The following AHCYL2 variants were observed in gnomAD, a reference collection of about 807,000 sequenced individuals.
AHCYL2 encodes the protein adenosylhomocysteinase like 2, also known as S-adenosylhomocysteine hydrolase-like protein 2.
AHCYL2 carries 28 observed loss-of-function variants against 81.4 expected under a neutral mutation model. The observed-to-expected ratio is 0.34, with a 90% CI of 0.25 to 0.47. The LOEUF (loss-of-function observed/expected upper bound fraction) is 0.47. AHCYL2 is among the 20% of genes least tolerant of loss of function. AHCYL2 has a pLI of 1.00. For missense variants in AHCYL2, 551 were observed against 785.1 expected (o/e 0.70, Z 3.56); for synonymous variants, 272 against 290.2 (o/e 0.94, Z 0.64).
At chr7:129,410,003 C>G in intron 11 of AHCYL2, 1 of 660,774 alleles carries the variant, frequency 1.5e-6, no homozygotes, top group East Asian at 2.7e-5. Flanking sequence ...TTTGTCTCTG[C>G]AGGAGGTACA....
At chr7:129,227,666 G>T (rs1218234582) in intron 1 of AHCYL2, among the ~76,000 whole-genome samples, 1 of 149,438 alleles carries the variant, frequency 6.7e-6, no homozygotes, top group African/African-American at 2.5e-5. Context: ...ACTGGAGTCT[G>T]TTTTTCTTAA....
intron 1 of AHCYL2, among the ~76,000 whole-genome samples, chr7:129,249,512 G>C (rs971699005): frequency 6.6e-6 from 1 of 151,670 alleles, no homozygotes; most frequent in Non-Finnish European, 1.5e-5. Context: ...TGCAAGCTCC[G>C]CTTCCCGGGT....
rs1228915009 is a variant in AHCYL2 at position 129,256,542 on chromosome 7, A to ACC, written c.363+31108_363+31109dup. 8.8e-3 allele frequency among the ~76,000 whole-genome samples: 511 copies of ACC among 58,390 alleles called. 4 individuals carry two copies. The highest frequency in any genetic ancestry group is 0.029 in the Middle Eastern group (3 of 104). 38.3% of individuals were successfully genotyped at this position (58,390 alleles called of 152,430 possible). ...TTTTACATCTTGCTTCCCGCCCCCC[A>ACC]CCCCCCACCCCCCCCCCGCCTTAAT... On this transcript the variant is annotated intron_variant, in intron 1 of 16. Transcript: ENST00000325006.
intron 1 of AHCYL2, among the ~76,000 whole-genome samples, chr7:129,372,908 TGGTTATAGCCATGATAGGATA>T (rs756623609): frequency 1.3e-4 from 20 of 152,180 alleles, no homozygotes; most frequent in Non-Finnish European, 2.1e-4. Context: ...CGTGCCTCCA[TGGTTATAGCCATGATAGGATA>T]GAATGGTTGG....
intron 1 of AHCYL2, among the ~76,000 whole-genome samples, chr7:129,362,126 C>G (rs1262351938): frequency 6.6e-6 from 1 of 152,064 alleles, no homozygotes; most frequent in Non-Finnish European, 1.5e-5. Context: ...GTTATTTAAT[C>G]TTTATAAAAC....
intron 6 of AHCYL2, among the ~76,000 whole-genome samples, chr7:129,400,926 G>T (rs1489350885): frequency 6.6e-6 from 1 of 152,116 alleles, no homozygotes; most frequent in African/African-American, 2.4e-5. Context: ...TAAAAAAGAC[G>T]AGATGAAGTT....
At chr7:129,257,154 G>A (rs942084694) in intron 1 of AHCYL2, among the ~76,000 whole-genome samples, 15 of 152,108 alleles carry the variant, frequency 9.9e-5, no homozygotes, top group African/African-American at 3.6e-4. Context: ...AGAAAAACAT[G>A]AACTATAGAA....
chr7:129,243,890 G>A (rs1274235334), intron 1 of AHCYL2, among the ~76,000 whole-genome samples: 7 of 152,070 alleles, frequency 4.6e-5, no homozygotes, highest in Non-Finnish European at 1.0e-4. Context: ...ACCATGCCTG[G>A]CCTTCACAGT....
At position 129,400,371 on chromosome 7, in the gene AHCYL2, G is replaced by C; in HGVS notation, c.905G>C (p.Trp302Ser). 1 of 1,612,892 alleles carries C rather than the reference G, an allele frequency of 6.2e-7. No individual in the cohort carries two copies. The highest frequency in any genetic ancestry group is 1.1e-5 in the South Asian group (1 of 90,862). The stretch of plus-strand genomic sequence containing the variant: ...GATAGATGTGTGAATGTGGAGGGCT[G>C]GCAGCCAAACATGGTGGGTCAGATT... Reference protein sequence around the residue: ...CIDRCVNVEGWQPNMILDDGG... With the variant: ...CIDRCVNVEGSQPNMILDDGG... Residue 302 changes from tryptophan to serine, a missense_variant, in exon 6 of 17, where the codon TGG (tryptophan) becomes TCG (serine). By Grantham distance (177) the Trp-to-Ser change is radical. Coordinates refer to ENST00000325006, the MANE Select transcript of AHCYL2 (RefSeq NM_015328.4).
intron 8 of AHCYL2, 113 bp from the exon 9 acceptor site, chr7:129,405,723 C>G (rs532320561): frequency 2.1e-6 from 2 of 946,116 alleles, no homozygotes; most frequent in South Asian, 2.2e-5. Flanking sequence ...ACCAGACTTT[C>G]TTTCAAAATG....
At chr7:129,299,105 T>C (rs182853543) in intron 1 of AHCYL2, among the ~76,000 whole-genome samples, 1 of 152,052 alleles carries the variant, frequency 6.6e-6, no homozygotes, top group Non-Finnish European at 1.5e-5. Flanking sequence ...TGTTCTTTTT[T>C]AAATTTTTTG....
intron 12 of AHCYL2, among the ~76,000 whole-genome samples, chr7:129,422,128 C>A (rs1380051813): frequency 6.6e-6 from 1 of 152,192 alleles, no homozygotes; most frequent in Non-Finnish European, 1.5e-5. Context: ...AAAAACATAA[C>A]CTTTTTTCTC....
intron 1 of AHCYL2, among the ~76,000 whole-genome samples, chr7:129,238,753 C>T (rs1247414039): frequency 6.6e-6 from 1 of 152,152 alleles, no homozygotes; most frequent in Non-Finnish European, 1.5e-5. Flanking sequence ...GAGTTTGAAA[C>T]TAGCTTGACC....
chr7:129,247,907 T>G (rs543231581), intron 1 of AHCYL2, among the ~76,000 whole-genome samples: 1 of 152,200 alleles, frequency 6.6e-6, no homozygotes, highest in Non-Finnish European at 1.5e-5. Context: ...TAGCCTTAGA[T>G]TCTACTTTTG....
intron 1 of AHCYL2, among the ~76,000 whole-genome samples, chr7:129,282,577 A>G (rs905818471): frequency 2.0e-5 from 3 of 151,930 alleles, no homozygotes; most frequent in African/African-American, 7.3e-5. Context: ...TCTTTCTCCC[A>G]TGTTTCTACT....
chr7:129,378,961 G>A (rs1291123285), intron 1 of AHCYL2, among the ~76,000 whole-genome samples: 1 of 152,096 alleles, frequency 6.6e-6, no homozygotes. Context: ...GGAGTGGGGT[G>A]TCACAATTTT....
chr7:129,317,747 ATCT>A (rs1275686686), intron 1 of AHCYL2, among the ~76,000 whole-genome samples: 2 of 152,224 alleles, frequency 1.3e-5, no homozygotes, highest in Non-Finnish European at 2.9e-5. Flanking sequence ...TGAGCAACAC[ATCT>A]TCTTGGTTAC....
At chr7:129,288,472 T>C (rs1219977502) in intron 1 of AHCYL2, among the ~76,000 whole-genome samples, 1 of 152,038 alleles carries the variant, frequency 6.6e-6, no homozygotes, top group Non-Finnish European at 1.5e-5. Context: ...GCGATTCTCC[T>C]CCTCAGCCTC....
chr7:129,246,842 G>A (rs771987682), intron 1 of AHCYL2, among the ~76,000 whole-genome samples: 10 of 152,110 alleles, frequency 6.6e-5, no homozygotes, highest in Non-Finnish European at 1.2e-4. Flanking sequence ...GGTCTTTTGT[G>A]TGTGGCTTTT....
Sources: allele counts gnomAD v4.1 joint callset (sites outside exome capture counted in the v4.1 genomes callset), GRCh38; gene constraint gnomAD v4.1.1; transcripts MANE v1.5; gene names NCBI Gene and HGNC (gene_info 2026-07-23, HGNC 2026-07-21).